DYNAP: variants seen among roughly 807,000 people sequenced by gnomAD.
DYNAP encodes dynactin-associated protein.
DYNAP carries 7 observed loss-of-function variants against 8.5 expected under a neutral mutation model. The observed-to-expected ratio is 0.82, with a 90% CI of 0.47 to 1.54. The LOEUF (loss-of-function observed/expected upper bound fraction) is 1.54. DYNAP is among the 40% of genes most tolerant of loss of function. The probability of loss-of-function intolerance (pLI) is 0.01; values close to 1 mark genes in which losing one functional copy is unlikely to be tolerated. For missense variants in DYNAP, 256 were observed against 224.3 expected (o/e 1.14, Z -0.90); for synonymous variants, 77 against 77.9 (o/e 0.99, Z 0.06).
intron 2 of DYNAP, 54 bp downstream of exon 2, chr18:54,595,157 A>G: frequency 1.3e-6 from 2 of 1,502,744 alleles, no homozygotes; most frequent in East Asian, 2.4e-5. Context: ...CTATATGGGC[A>G]TGTACTTTGC....
chr18:54,588,229 C>T (rs373609231), upstream of DYNAP, among the ~76,000 whole-genome samples: 35 of 143,112 alleles, frequency 2.4e-4, no homozygotes, highest in African/African-American at 5.7e-4. Flanking sequence ...TTTTTTGAGA[C>T]GGAGTCTTGC....
the DYNAP span, among the ~76,000 whole-genome samples, chr18:54,578,325 G>C: frequency 6.6e-6 from 1 of 152,282 alleles, no homozygotes; most frequent in East Asian, 1.9e-4. Context: ...TTAGGGGCAG[G>C]ATTGGTTTTC....
At chr18:54,578,328 T>G in the DYNAP span, among the ~76,000 whole-genome samples, 1 of 152,228 alleles carries the variant, frequency 6.6e-6, no homozygotes, top group Non-Finnish European at 1.5e-5. Flanking sequence ...GGGGCAGGAT[T>G]GGTTTTCGTG....
upstream of DYNAP, among the ~76,000 whole-genome samples, chr18:54,586,697 T>C (rs1910893738): frequency 6.6e-6 from 1 of 152,184 alleles, no homozygotes; most frequent in African/African-American, 2.4e-5. Context: ...CGAATGGTTA[T>C]CTTGAGAGCC....
At chr18:54,591,205 A>T (rs112328465), upstream of DYNAP, 12 of 1,609,766 alleles carry the variant, frequency 7.5e-6, no homozygotes, top group Admixed American at 1.8e-4. Flanking sequence ...TAATTGTTTC[A>T]TGGTTGCAGA....
the DYNAP span, among the ~76,000 whole-genome samples, chr18:54,578,806 A>G: frequency 6.6e-6 from 1 of 151,772 alleles, no homozygotes; most frequent in South Asian, 2.1e-4. Context: ...TTTTATTATT[A>G]TTATTTTTTT....
intron 1 of DYNAP, among the ~76,000 whole-genome samples, chr18:54,594,596 A>G (rs780796383): frequency 6.6e-6 from 1 of 152,112 alleles, no homozygotes; most frequent in Admixed American, 6.6e-5. Context: ...GTTGTACCCA[A>G]TAAGATGCAA....
At chr18:54,591,387 A>G in intron 1 of DYNAP, 48 bp downstream of exon 1, 1 of 1,550,878 alleles carries the variant, frequency 6.4e-7, no homozygotes, top group Non-Finnish European at 8.7e-7. Flanking sequence ...TTACAGTTTC[A>G]TTTTCAGCAT....
the DYNAP span, among the ~76,000 whole-genome samples, chr18:54,580,073 C>G: frequency 1.3e-4 from 20 of 152,318 alleles, no homozygotes; most frequent in African/African-American, 4.8e-4. Context: ...TACCTCATAA[C>G]TTTTCAGTAA....
Position 54,591,344 on chromosome 18 carries a change from G to GCT in DYNAP, c.57+5_57+6insCT, listed in dbSNP as rs1289420294. ...GAGCACTCTGAAAACCAGCCGGTGA[G>GCT]TGTCCTTGCTCCATTTTGATAGTTT... is the stretch of plus-strand genomic sequence containing the variant. On this transcript the variant is annotated splice_donor_region_variant and intron_variant, in intron 1 of 2. Transcript: ENST00000648945. 4 of 1,603,168 alleles carry GCT rather than the reference G, an allele frequency of 2.5e-6. No homozygotes were observed. The African/African-American group carries it at 5.4e-5, about 22-fold the overall frequency.
chr18:54,588,006 A>G (rs897841798), upstream of DYNAP: 9 of 392,608 alleles, frequency 2.3e-5, no homozygotes, highest in East Asian at 3.3e-4. Flanking sequence ...ACAAAAAGCT[A>G]AAAGAGAACA....
Position 54,598,114 on chromosome 18 carries a change from C to T in DYNAP, c.524C>T (p.Pro175Leu), listed in dbSNP as rs1172526960. 6.2e-7 allele frequency: 1 copy of T among 1,612,862 alleles called. No individual in the cohort carries two copies. Among genetic ancestry groups the T allele is most frequent in the Admixed American group, 1.7e-5 (1 of 59,894 alleles). ...ACAGCTGCCACCACTTCCACAGAAC[C>T]TATAACTGTTGCACCTACCGATCAT... ...TATAATTSTE[P>L]ITVAPTDHL The change falls in exon 3 of 3, where the codon CCT becomes CTT. Residue 175 changes from proline to leucine, a missense_variant. Coordinates refer to ENST00000648945, the MANE Select transcript of DYNAP (RefSeq NM_173629.3).
At chr18:54,576,890 C>G in the DYNAP span, among the ~76,000 whole-genome samples, 11 of 152,178 alleles carry the variant, frequency 7.2e-5, no homozygotes, top group Non-Finnish European at 1.5e-4. Flanking sequence ...GCCTTGATTC[C>G]TCTATTTGCA....
the DYNAP span, among the ~76,000 whole-genome samples, chr18:54,579,711 C>T: frequency 6.6e-6 from 1 of 152,126 alleles, no homozygotes; most frequent in Admixed American, 6.6e-5. Flanking sequence ...AGATTTCCCC[C>T]TTATTTGTTT....
chr18:54,592,276 G>GA (rs145118600), intron 1 of DYNAP, among the ~76,000 whole-genome samples: 8,704 of 150,444 alleles, frequency 0.058, 456 homozygotes, highest in African/African-American at 0.14. Flanking sequence ...TACTCAGATG[G>GA]AAAAAAAAAT....
upstream of DYNAP, among the ~76,000 whole-genome samples, chr18:54,585,732 C>A (rs1910853157): frequency 6.6e-6 from 1 of 152,218 alleles, no homozygotes; most frequent in South Asian, 2.1e-4. Context: ...GAATTCATCA[C>A]AGCCTTCTTC....
upstream of DYNAP, among the ~76,000 whole-genome samples, chr18:54,590,384 A>G (rs903008095): frequency 6.6e-6 from 1 of 152,134 alleles, no homozygotes; most frequent in Non-Finnish European, 1.5e-5. Flanking sequence ...CAGTTTTTCA[A>G]TTCCTTGACA....
the DYNAP span, among the ~76,000 whole-genome samples, chr18:54,578,664 C>T: frequency 3.3e-5 from 5 of 152,278 alleles, no homozygotes; most frequent in East Asian, 7.7e-4. Context: ...TTATGTGAAT[C>T]TTTCGCCTGG....
At chr18:54,589,025 A>G (rs981630939), upstream of DYNAP, among the ~76,000 whole-genome samples, 1 of 152,204 alleles carries the variant, frequency 6.6e-6, no homozygotes, top group Non-Finnish European at 1.5e-5. Context: ...CTAAGATCAC[A>G]TGGCCGAAGC....
Sources: gnomAD v4.1 joint callset for allele counts (sites outside exome capture counted in the v4.1 genomes callset) on GRCh38, gnomAD v4.1.1 for gene constraint, MANE v1.5 for transcripts, NCBI Gene and HGNC (gene_info 2026-07-23, HGNC 2026-07-21) for gene names.